Variants in VWA5B1 observed in about 807,000 individuals in gnomAD.
The protein encoded by VWA5B1 is von Willebrand factor A domain containing 5B1, also known as von Willebrand factor A domain-containing protein 5B1.
In VWA5B1, 115 loss-of-function variants were observed where a neutral mutation model predicts 118.2. The ratio of observed to expected loss-of-function variants is 0.97; its 90% CI spans 0.84 to 1.14. The LOEUF (loss-of-function observed/expected upper bound fraction) is 1.14. VWA5B1 is among the 50% of genes most tolerant of loss of function. VWA5B1 has a pLI of 0.00. For missense variants in VWA5B1, 1,596 were observed against 1,603.8 expected (o/e 1.00, Z 0.08); for synonymous variants, 682 against 658.4 (o/e 1.04, Z -0.55).
chr1:20,312,728 G>A, intron 2 of VWA5B1, 108 bp from the exon 3 acceptor site: 4 of 1,364,374 alleles, frequency 2.9e-6, no homozygotes, highest in Non-Finnish European at 3.8e-6. Flanking sequence ...CCAATAAGCG[G>A]CAGTGGGCAC....
chr1:20,300,729 G>A (rs2088487181), intron 1 of VWA5B1, among the ~76,000 whole-genome samples: 2 of 152,352 alleles, frequency 1.3e-5, no homozygotes, highest in Non-Finnish European at 2.9e-5. Flanking sequence ...GGCTCAATAT[G>A]TGTTAGCTGA....
chr1:20,302,305 T>G (rs905117829), intron 1 of VWA5B1, among the ~76,000 whole-genome samples: 1 of 152,256 alleles, frequency 6.6e-6, no homozygotes, highest in Admixed American at 6.5e-5. Flanking sequence ...GGCTGTGGGC[T>G]GAAATAAATT....
Position 20,355,143 on chromosome 1 carries a change from T to C in VWA5B1, c.*880T>C, listed in dbSNP as rs2090207332. ...ATTGGGTAAAGCGAACTGCATCACT[T>C]GTACTGAGGCACGAGGGAGCCACCA... On this transcript the variant is annotated 3_prime_UTR_variant, in exon 22 of 22. Transcript: ENST00000289815. 6.6e-6 allele frequency among the ~76,000 whole-genome samples: 1 copy of C among 152,222 alleles called. No individual in the cohort carries two copies. Among genetic ancestry groups the C allele is most frequent in the South Asian group, 2.1e-4 (1 of 4,824 alleles).
chr1:20,344,931 G>C (rs1018732521), intron 16 of VWA5B1, among the ~76,000 whole-genome samples: 1 of 152,094 alleles, frequency 6.6e-6, no homozygotes, highest in African/African-American at 2.4e-5. Flanking sequence ...AAAGGGATTG[G>C]GCTCTGGGGT....
chr1:20,329,682 A>G (rs977432703), intron 9 of VWA5B1, among the ~76,000 whole-genome samples: 1 of 152,142 alleles, frequency 6.6e-6, no homozygotes, highest in African/African-American at 2.4e-5. Context: ...GCTGCAAATG[A>G]CATCCATCCT....
At chr1:20,323,206 A>T (rs2089274790) in intron 7 of VWA5B1, 150 bp from the exon 8 acceptor site, 4 of 670,362 alleles carry the variant, frequency 6.0e-6, no homozygotes, top group Admixed American at 4.3e-5. Context: ...GGTCTAGCAA[A>T]CAGAAGAGCT....
intron 8 of VWA5B1, among the ~76,000 whole-genome samples, chr1:20,326,260 G>A (rs2089376377): frequency 1.3e-5 from 2 of 152,100 alleles, no homozygotes; most frequent in African/African-American, 4.8e-5. Flanking sequence ...GGAAATCTGT[G>A]TGGTGTAAAA....
chr1:20,307,656 T>C (rs2088699609), intron 1 of VWA5B1, among the ~76,000 whole-genome samples: 1 of 152,128 alleles, frequency 6.6e-6, no homozygotes, highest in Admixed American at 6.5e-5. Context: ...CTCCTTGCCA[T>C]GTGGGCTGGG....
At chr1:20,325,212 C>T (rs986126508) in intron 8 of VWA5B1, among the ~76,000 whole-genome samples, 1 of 152,198 alleles carries the variant, frequency 6.6e-6, no homozygotes, top group Non-Finnish European at 1.5e-5. Flanking sequence ...GAGAATTATG[C>T]ATACTGTTCC....
chr1:20,352,143 G>A lies in VWA5B1; in HGVS notation c.3112G>A (p.Gly1038Arg), dbSNP rs372664005. Reference sequence around the variant, plus strand: ...GATCAAAGCTGTGGAGTCGACCTCCGGGAACCAGAGCTTCGACTACATACC... The same window carrying A: ...GATCAAAGCTGTGGAGTCGACCTCCAGGAACCAGAGCTTCGACTACATACC... ...PLIKAVESTS[G>R]NQSFDYIPLV... Residue 1038 changes from glycine (G) to arginine (R), a missense_variant, in exon 21 of 22, where the codon GGG becomes AGG. Transcript: ENST00000289815. 17 of 1,551,202 alleles carry A rather than the reference G, an allele frequency of 1.1e-5. No homozygotes were observed. The highest frequency in any genetic ancestry group is 1.4e-5 in the Non-Finnish European group (16 of 1,146,914).
intron 1 of VWA5B1, among the ~76,000 whole-genome samples, chr1:20,305,537 C>CA (rs2088625732): frequency 6.6e-6 from 1 of 151,808 alleles, no homozygotes; most frequent in Admixed American, 6.6e-5. Flanking sequence ...GACAGGAGGA[C>CA]AGAAGAGTGA....
chr1:20,309,559 C>T (rs946814632), intron 1 of VWA5B1, among the ~76,000 whole-genome samples: 8 of 152,172 alleles, frequency 5.3e-5, no homozygotes, highest in Admixed American at 3.3e-4. Flanking sequence ...GTTTGGGGAC[C>T]GTGGTGATGC....
At position 20,353,944 on chromosome 1, in the gene VWA5B1, C is replaced by T. The variant is rs183401918; in HGVS notation, c.3329C>T (p.Pro1110Leu). The change falls in exon 22 of 22, where the codon CCG (proline) becomes CTG (leucine). Residue 1110 changes from proline (P) to leucine (L), a missense_variant. Coordinates refer to ENST00000289815, the MANE Select transcript of VWA5B1 (RefSeq NM_001039500.3). ...TGCACCAGCTCCCCGCCTAGGCACC[C>T]GTCCTGTGACAGCTTCTCCCTGGAG... ...QLCTSSPPRH[P>L]SCDSFSLEPL... 3.9e-5 allele frequency: 61 copies of T among 1,551,264 alleles called. No homozygotes were observed. In the East Asian group the frequency reaches 5.6e-4, roughly 14 times the overall value.
At chr1:20,340,606 G>A (rs962250119) in intron 14 of VWA5B1, among the ~76,000 whole-genome samples, 2 of 152,138 alleles carry the variant, frequency 1.3e-5, no homozygotes, top group Admixed American at 6.5e-5. Context: ...GTGTCTTTTC[G>A]CCCTCATCCC....
At position 20,358,343 on chromosome 1, in the gene VWA5B1, T is replaced by C. The variant is rs1172419809; in HGVS notation, c.*4080T>C. 6.6e-6 allele frequency among the ~76,000 whole-genome samples: 1 copy of C among 152,192 alleles called. No homozygotes were observed. Among genetic ancestry groups the C allele is most frequent in the Admixed American group, 6.5e-5 (1 of 15,290 alleles). ...AGCTGTCAAAAAAGGTTTCTGGAAGTTTCCTCTAGATCCTGACTTGCCCTC... is the reference window on the plus strand; with the variant it reads ...AGCTGTCAAAAAAGGTTTCTGGAAGCTTCCTCTAGATCCTGACTTGCCCTC... On this transcript the variant is annotated 3_prime_UTR_variant, in exon 22 of 22. Transcript: ENST00000289815.
chr1:20,295,732 G>A (rs2088394153), intron 1 of VWA5B1, among the ~76,000 whole-genome samples: 1 of 152,178 alleles, frequency 6.6e-6, no homozygotes, highest in Non-Finnish European at 1.5e-5. Flanking sequence ...CCTAGAATGT[G>A]GCCATTGAGG....
chr1:20,348,254 T>G lies in VWA5B1; in HGVS notation c.2774T>G (p.Leu925Arg). ...VVEYPNSGAA[L>R]RMLGSRALAQ... ...CTTGTCTTCCGCGAAGGAGCTGCCC[T>G]GCGTATGCTTGGCTCTCGGGCCCTG... The change falls in exon 18 of 22, where the codon CTG becomes CGG. Residue 925 changes from leucine to arginine, a missense_variant. Coordinates refer to ENST00000289815, the MANE Select transcript of VWA5B1 (RefSeq NM_001039500.3). 1 of 1,551,648 alleles carries G rather than the reference T, an allele frequency of 6.4e-7. No individual in the cohort carries two copies. Among genetic ancestry groups the G allele is most frequent in the Non-Finnish European group, 8.7e-7 (1 of 1,146,996 alleles).
At chr1:20,344,021 C>A (rs1038872326) in intron 16 of VWA5B1, among the ~76,000 whole-genome samples, 1 of 145,192 alleles carries the variant, frequency 6.9e-6, no homozygotes, top group Admixed American at 6.9e-5. Flanking sequence ...CACACCACAG[C>A]CTTCAGGTGC....
At chr1:20,291,366 TC>T (rs1557821979) in intron 1 of VWA5B1, among the ~76,000 whole-genome samples, 15 of 148,034 alleles carry the variant, frequency 1.0e-4, no homozygotes, top group African/African-American at 3.8e-4. Context: ...TCTTTCTCTC[TC>T]TCTCTCTCTC....
Sources: gnomAD v4.1 joint callset for allele counts (sites outside exome capture counted in the v4.1 genomes callset) on GRCh38, gnomAD v4.1.1 for gene constraint, MANE v1.5 for transcripts, NCBI Gene and HGNC (gene_info 2026-07-23, HGNC 2026-07-21) for gene names.